The following NAV1 variants were observed in gnomAD, a reference collection of about 807,000 sequenced individuals.
NAV1 encodes pore membrane and/or filament interacting like protein 3.
NAV1 carries 18 observed loss-of-function variants against 175.2 expected under a neutral mutation model. The observed-to-expected ratio is 0.10, with a 90% confidence interval of 0.07 to 0.15. NAV1 has a LOEUF of 0.15. NAV1 is among the 10% of genes least tolerant of loss of function. The pLI, the probability that NAV1 is intolerant of heterozygous loss-of-function variation, is 1.00. For synonymous variants in NAV1, 897 were observed against 978.7 expected, an observed-to-expected ratio of 0.92 and a Z score of 1.56; for missense variants, 1,731 against 2,436.6, an observed-to-expected ratio of 0.71 and a Z score of 6.10.
intron 2 of NAV1, among the ~76,000 whole-genome samples, chr1:201,631,052 T>C (rs183712663): frequency 7.9e-5 from 12 of 152,314 alleles, no homozygotes; most frequent in Non-Finnish European, 1.0e-4. Flanking sequence ...GTCTGCTAGA[T>C]CACGGTTGGG....
At chr1:201,723,215 CTATT>C (rs1463011676) in intron 3 of NAV1, 1 of 152,160 alleles carries the variant, frequency 6.6e-6, no homozygotes, top group Non-Finnish European at 1.5e-5. Context: ...TACTTATTAG[CTATT>C]TGTACATCTT....
rs944415601 is a variant in NAV1, at chr1:201,740,269, G to T, written c.1226+21514G>T. Among the ~76,000 whole-genome samples, 7 of 152,260 alleles carry T rather than the reference G, an allele frequency of 4.6e-5. No individual in the cohort carries two copies. Among genetic ancestry groups the T allele is most frequent in the Non-Finnish European group, 7.3e-5 (5 of 68,048 alleles). On this transcript the variant is annotated intron_variant, in intron 3 of 29. Transcript: ENST00000367296. The surrounding 1 kb of genome is among the most constrained non-coding windows in gnomAD (Gnocchi z 4.7). ...GCCAGAGAGGAGTGCCTGCGCCGCCGGAGCCTCCGAGCTCCTGGACGTTTG... is the reference window on the plus strand; with the variant it reads ...GCCAGAGAGGAGTGCCTGCGCCGCCTGAGCCTCCGAGCTCCTGGACGTTTG...
chr1:201,717,210 C>T (rs1184708729), intron 2 of NAV1, among the ~76,000 whole-genome samples: 1 of 152,222 alleles, frequency 6.6e-6, no homozygotes, highest in Non-Finnish European at 1.5e-5. Context: ...ATTCCAGCCC[C>T]CAAAGTGGCT....
intron 3 of NAV1, among the ~76,000 whole-genome samples, chr1:201,731,534 G>A (rs921750519): frequency 2.0e-5 from 3 of 152,144 alleles, no homozygotes; most frequent in African/African-American, 4.8e-5. Context: ...GGTCTGTGTC[G>A]TACCTTGTCT....
At chr1:201,670,243 G>A (rs899651632) in intron 1 of NAV1, among the ~76,000 whole-genome samples, 3 of 151,584 alleles carry the variant, frequency 2.0e-5, no homozygotes, top group Admixed American at 6.6e-5. Flanking sequence ...AGCCGGGCGT[G>A]GTGGTGGGCA....
rs1043341859 is a variant in NAV1, at chr1:201,740,304, C to T, written c.1226+21549C>T. On this transcript the variant is annotated intron_variant, in intron 3 of 29. Coordinates refer to ENST00000367296, the Ensembl canonical transcript of NAV1. This position sits in a 1 kb window ranked among gnomAD's most constrained non-coding sequence, Gnocchi z 4.7. ...AGCTCCTGGACGTTTGGCTTACGGG[C>T]ATCTGGGGCTGGGAGTGGGTGTGTG... Among the ~76,000 whole-genome samples, 1 of 152,190 alleles carries T rather than the reference C, an allele frequency of 6.6e-6. No individual in the cohort carries two copies. Among genetic ancestry groups the T allele is most frequent in the Admixed American group, 6.5e-5 (1 of 15,276 alleles).
At chr1:201,701,419 A>T (rs1303821618) in intron 1 of NAV1, among the ~76,000 whole-genome samples, 3 of 65,172 alleles carry the variant, frequency 4.6e-5, no homozygotes, top group Non-Finnish European at 8.1e-5. Flanking sequence ...TAATAAAAAA[A>T]ATAAAAAAAG....
In NAV1 at chr1:201,698,011, C is replaced by T. The variant is rs559189087; in HGVS notation, c.758-14806C>T. Reference sequence around the variant, plus strand: ...AGGTCACAGGGCATTGAATACCTTGCCCAAGGTCACAGTGGTAAAGCTGGG... The same window carrying T: ...AGGTCACAGGGCATTGAATACCTTGTCCAAGGTCACAGTGGTAAAGCTGGG... On this transcript the variant is annotated intron_variant, in intron 1 of 29. Coordinates refer to ENST00000367296, the Ensembl canonical transcript of NAV1. Among the ~76,000 whole-genome samples the T allele has an allele frequency of 2.6e-5, 4 of 152,308 alleles. No homozygotes were observed. The South Asian group carries it at 8.3e-4, about 32-fold the overall frequency.
chr1:201,775,914 G>A (rs1176535406), intron 3 of NAV1, among the ~76,000 whole-genome samples: 1 of 151,846 alleles, frequency 6.6e-6, no homozygotes, highest in Non-Finnish European at 1.5e-5. Context: ...AAAGTTAGCT[G>A]GGCATGGTAG....
At chr1:201,546,988 A>C (rs568811080) in intron 1 of NAV1, among the ~76,000 whole-genome samples, 5 of 144,644 alleles carry the variant, frequency 3.5e-5, no homozygotes, top group Non-Finnish European at 7.5e-5. Flanking sequence ...AAGAACAAGG[A>C]CATTTTTTTT....
intron 3 of NAV1, among the ~76,000 whole-genome samples, chr1:201,727,015 A>G (rs192221281): frequency 6.6e-6 from 1 of 152,184 alleles, no homozygotes; most frequent in African/African-American, 2.4e-5. Flanking sequence ...GTGAGTTTGG[A>G]TGAGTTTTTC....
chr1:201,581,097 G>C (rs2102193243), intron 1 of NAV1, among the ~76,000 whole-genome samples: 1 of 152,292 alleles, frequency 6.6e-6, no homozygotes, highest in Admixed American at 6.5e-5. Context: ...GAATGGGGTA[G>C]AGACTGGATC....
intron 2 of NAV1, among the ~76,000 whole-genome samples, chr1:201,633,506 C>T (rs1412130254): frequency 6.6e-6 from 1 of 152,228 alleles, no homozygotes; most frequent in Non-Finnish European, 1.5e-5. Flanking sequence ...GCCGCCAGTA[C>T]TCACTCAGTC....
At chr1:201,664,202 G>A (rs113161349) in intron 1 of NAV1, among the ~76,000 whole-genome samples, 2,313 of 152,236 alleles carry the variant, frequency 0.015, 22 homozygotes, top group Non-Finnish European at 0.023. Context: ...TTTGCTGGGC[G>A]TGGTGGTGCG....
At chr1:201,646,107 C>T (rs1204047038), upstream of NAV1, among the ~76,000 whole-genome samples, 2 of 152,148 alleles carry the variant, frequency 1.3e-5, no homozygotes, top group Non-Finnish European at 2.9e-5. Flanking sequence ...TTCGTGTGTG[C>T]CCAGAAAAGA....
At chr1:201,584,488 G>A (rs1666968609) in intron 1 of NAV1, among the ~76,000 whole-genome samples, 1 of 152,230 alleles carries the variant, frequency 6.6e-6, no homozygotes, top group Non-Finnish European at 1.5e-5. Flanking sequence ...TGAGATGTGT[G>A]TGCAGACTCT....
At chr1:201,572,504 G>A (rs1666574948) in intron 1 of NAV1, among the ~76,000 whole-genome samples, 1 of 151,798 alleles carries the variant, frequency 6.6e-6, no homozygotes, top group Non-Finnish European at 1.5e-5. Context: ...GAGTAGCTGG[G>A]ACTACAGGCA....
intron 3 of NAV1, among the ~76,000 whole-genome samples, chr1:201,779,141 T>C (rs1234651239): frequency 6.6e-6 from 1 of 152,176 alleles, no homozygotes; most frequent in Non-Finnish European, 1.5e-5. Context: ...TGAAGAAAGC[T>C]TACAGGAGAC....
chr1:201,781,071 A>G (rs544748641), exon 5 of NAV1: 12 of 1,614,212 alleles, frequency 7.4e-6, no homozygotes, highest in Middle Eastern at 1.6e-4. Context: ...GGTTTAGTGA[A>G]TCAGAGGAGA....
Sources: gnomAD v4.1 joint callset for allele counts (sites outside exome capture counted in the v4.1 genomes callset) on GRCh38, gnomAD v4.1.1 for gene constraint, Gnocchi (gnomAD v3.1) non-coding constraint, MANE v1.5 for transcripts, NCBI Gene and HGNC (gene_info 2026-07-23, HGNC 2026-07-21) for gene names.